The following GABRG1 variants were observed in gnomAD, a reference collection of about 807,000 sequenced individuals.
GABRG1 encodes gamma-aminobutyric acid type A receptor subunit gamma1, also known as gamma-aminobutyric acid receptor subunit gamma-1.
GABRG1 carries 49 observed loss-of-function variants against 49.8 expected under a neutral mutation model. The ratio of observed to expected loss-of-function variants is 0.98; its 90% CI spans 0.78 to 1.25. The LOEUF (loss-of-function observed/expected upper bound fraction) is 1.25, where lower values mean the gene tolerates loss of function less well. Among genes scored for constraint, GABRG1 ranks in the 50% most tolerant of loss-of-function variants. The pLI is 0.00. For synonymous variants in GABRG1, 232 were observed against 185.1 expected (o/e 1.25, Z -2.06); for missense variants, 552 against 552.3 (o/e 1.00, Z 0.01).
Position 46,036,287 on chromosome 4 carries a change from T to C in GABRG1, c.*4701A>G, listed in dbSNP as rs538040349. On this transcript the variant is annotated 3_prime_UTR_variant, in exon 9 of 9. Transcript: ENST00000295452. ...TTCTCTTATTCTCTTTGTCCAAATA[T>C]ATATATAATTTTATACATATATATA... is the stretch of plus-strand genomic sequence containing the variant. The C allele has an allele frequency of 1.3e-5, 2 of 151,850 alleles. No individual in the cohort carries two copies. Among genetic ancestry groups the C allele is most frequent in the Non-Finnish European group, 2.9e-5 (2 of 67,828 alleles). 9.4% of individuals were successfully genotyped at this position (151,850 alleles called of 1,614,324 possible). A position where few individuals can be genotyped will look rare whatever the true frequency, so the allele number is the denominator to read the frequency against.
At chr4:46,049,929 T>C (rs1235922093) in intron 8 of GABRG1, among the ~76,000 whole-genome samples, 1 of 151,890 alleles carries the variant, frequency 6.6e-6, no homozygotes, top group African/African-American at 2.4e-5. Flanking sequence ...GGATGTGAGA[T>C]TGTACATTGC....
At chr4:46,105,837 TA>T (rs1458032428) in intron 1 of GABRG1, among the ~76,000 whole-genome samples, 2 of 139,160 alleles carry the variant, frequency 1.4e-5, no homozygotes, top group African/African-American at 2.6e-5. Flanking sequence ...AGATAGATGA[TA>T]GATATTCTCT....
chr4:46,062,903 G>A lies in GABRG1; in HGVS notation c.625+1538C>T, dbSNP rs1168023569. On this transcript the variant is annotated intron_variant, in intron 5 of 8. Coordinates refer to ENST00000295452, the MANE Select transcript of GABRG1 (RefSeq NM_173536.4). ...ACAAACAGAGAGCCAAATCATGAGT[G>A]AACTCCCATTCACAATTGCTTCAAA... Among the ~76,000 whole-genome samples, 8 of 151,976 alleles carry A rather than the reference G, an allele frequency of 5.3e-5. 1 individual carries two copies. The highest frequency in any genetic ancestry group is 1.7e-4 in the African/African-American group (7 of 41,390).
At chr4:46,045,625 G>T (rs1342021941) in intron 8 of GABRG1, among the ~76,000 whole-genome samples, 1 of 151,734 alleles carries the variant, frequency 6.6e-6, no homozygotes, top group East Asian at 1.9e-4. Context: ...AGTTTTATCT[G>T]CAAAGAATGA....
intron 5 of GABRG1, among the ~76,000 whole-genome samples, chr4:46,061,033 C>T (rs6817466): frequency 0.51 from 76,634 of 151,574 alleles, 19,916 homozygotes; most frequent in African/African-American, 0.63. Flanking sequence ...TATATGTTAG[C>T]TATTGACACC....
chr4:46,037,133 T>G lies in GABRG1; in HGVS notation c.*3855A>C, dbSNP rs1298804919. On this transcript the variant is annotated 3_prime_UTR_variant, in exon 9 of 9. Coordinates refer to ENST00000295452, the MANE Select transcript of GABRG1 (RefSeq NM_173536.4). ...AAATTGTATAACTAATCCTCTCATC[T>G]TTCTGACTACATTATATGTTCCTTG... 2 of 151,950 alleles carry G rather than the reference T, an allele frequency of 1.3e-5. No individual in the cohort carries two copies. The highest frequency in any genetic ancestry group is 2.9e-5 in the Non-Finnish European group (2 of 67,892). The allele number at this position is 151,950 out of a possible 1,614,324, so 9.4% of individuals were successfully genotyped here.
chr4:46,123,616 C>G (rs1305312657), intron 1 of GABRG1, among the ~76,000 whole-genome samples, 194 bp downstream of exon 1: 1 of 151,972 alleles, frequency 6.6e-6, no homozygotes. Flanking sequence ...CAATCTCATG[C>G]TTCAGAAATA....
intron 5 of GABRG1, among the ~76,000 whole-genome samples, chr4:46,062,907 T>G (rs1434737749): frequency 6.6e-6 from 1 of 151,806 alleles, no homozygotes; most frequent in African/African-American, 2.4e-5. Flanking sequence ...ATGAGTGAAC[T>G]CCCATTCACA....
intron 7 of GABRG1, among the ~76,000 whole-genome samples, chr4:46,053,738 G>A (rs1718332556): frequency 6.6e-6 from 1 of 151,826 alleles, no homozygotes; most frequent in African/African-American, 2.4e-5. Flanking sequence ...TTAAGTTTCT[G>A]TTACTTTCTT....
chr4:46,068,813 C>G (rs560518296), intron 3 of GABRG1, among the ~76,000 whole-genome samples: 1 of 151,992 alleles, frequency 6.6e-6, no homozygotes, highest in Non-Finnish European at 1.5e-5. Flanking sequence ...ATGATCTACA[C>G]AAGAAATAAG....
chr4:46,059,612 C>T (rs968156593), intron 5 of GABRG1, among the ~76,000 whole-genome samples: 1 of 151,744 alleles, frequency 6.6e-6, no homozygotes, highest in African/African-American at 2.4e-5. Context: ...AGGGTTTTGC[C>T]ATGTTGGCCA....
At chr4:46,098,122 G>A (rs749347628) in intron 1 of GABRG1, among the ~76,000 whole-genome samples, 13 of 151,712 alleles carry the variant, frequency 8.6e-5, no homozygotes, top group Non-Finnish European at 1.6e-4. Context: ...GCAAAACTGA[G>A]ACTCAAACAT....
At chr4:46,117,726 A>G (rs575946795) in intron 1 of GABRG1, among the ~76,000 whole-genome samples, 9 of 144,556 alleles carry the variant, frequency 6.2e-5, no homozygotes, top group African/African-American at 2.2e-4. Flanking sequence ...ATATACATAT[A>G]CATATATACA....
At chr4:46,076,359 GTT>G (rs1719324869) in intron 3 of GABRG1, among the ~76,000 whole-genome samples, 1 of 70,538 alleles carries the variant, frequency 1.4e-5, no homozygotes, top group Non-Finnish European at 2.7e-5. Context: ...CTTAGGTCAT[GTT>G]CATATATATA....
chr4:46,114,811 A>T (rs1560375957), intron 1 of GABRG1, among the ~76,000 whole-genome samples: 1 of 151,024 alleles, frequency 6.6e-6, no homozygotes, highest in Non-Finnish European at 1.5e-5. Context: ...TAACTTTCTG[A>T]TACCAATACA....
At chr4:46,084,933 A>G (rs1719699701) in intron 2 of GABRG1, among the ~76,000 whole-genome samples, 1 of 151,618 alleles carries the variant, frequency 6.6e-6, no homozygotes, top group African/African-American at 2.4e-5. Context: ...ATATAAAATT[A>G]AGCCAGTTAT....
intron 1 of GABRG1, among the ~76,000 whole-genome samples, chr4:46,103,782 G>A (rs1720454932): frequency 6.6e-6 from 1 of 151,242 alleles, no homozygotes; most frequent in African/African-American, 2.4e-5. Context: ...ACAATTGACT[G>A]GGTGGTTTTG....
intron 1 of GABRG1, among the ~76,000 whole-genome samples, chr4:46,112,783 G>A (rs1332407888): frequency 6.6e-6 from 1 of 151,014 alleles, no homozygotes; most frequent in East Asian, 2.0e-4. Flanking sequence ...TATTAGAGAG[G>A]GCAAGGAGGT....
rs933641034 is a variant in GABRG1, at chr4:46,039,915, C to T, written c.*1073G>A. The T allele has an allele frequency of 2.6e-5, 4 of 151,564 alleles. No homozygotes were observed. The highest frequency in any genetic ancestry group is 4.4e-5 in the Non-Finnish European group (3 of 67,754). The allele number at this position is 151,564 out of a possible 1,614,324, so 9.4% of individuals were successfully genotyped here. A position where few individuals can be genotyped will look rare whatever the true frequency, so the allele number is the denominator to read the frequency against. On this transcript the variant is annotated 3_prime_UTR_variant, in exon 9 of 9. Coordinates refer to ENST00000295452, the MANE Select transcript of GABRG1 (RefSeq NM_173536.4). ...GTTGCAAAACTGACAGGGTCCAAAACTTTGGAGCTGGAAGAGGCAATATGT... is the reference window on the plus strand; with the variant it reads ...GTTGCAAAACTGACAGGGTCCAAAATTTTGGAGCTGGAAGAGGCAATATGT...
Sources: gnomAD v4.1 joint callset for allele counts (sites outside exome capture counted in the v4.1 genomes callset) on GRCh38, gnomAD v4.1.1 for gene constraint, MANE v1.5 for transcripts, NCBI Gene and HGNC (gene_info 2026-07-23, HGNC 2026-07-21) for gene names.